MESD: variants seen among roughly 807,000 people sequenced by gnomAD.
MESD encodes LRP chaperone MESD.
Under a neutral mutation model 12.9 loss-of-function variants are expected in MESD, and 7 were observed. The ratio of observed to expected loss-of-function variants is 0.54; its 90% CI spans 0.31 to 1.02. The LOEUF is 1.02. Among genes scored for constraint, MESD ranks in the 50% least tolerant of loss-of-function variants. The pLI is 0.05. For synonymous variants in MESD, 126 were observed against 115.6 expected, an observed-to-expected ratio of 1.09 and a Z score of -0.58; for missense variants, 342 against 296.7, an observed-to-expected ratio of 1.15 and a Z score of -1.12.
intron 1 of MESD, among the ~76,000 whole-genome samples, chr15:80,987,724 G>A (rs988801735): frequency 6.6e-6 from 1 of 152,144 alleles, no homozygotes; most frequent in Non-Finnish European, 1.5e-5. Flanking sequence ...CCTGACCTCA[G>A]GTGATGCACC....
At chr15:80,981,354 G>A (rs1054595916) in intron 2 of MESD, among the ~76,000 whole-genome samples, 1 of 146,822 alleles carries the variant, frequency 6.8e-6, no homozygotes, top group African/African-American at 2.5e-5. Context: ...GGAGAATGGC[G>A]TGAACCGGGA....
intron 1 of MESD, among the ~76,000 whole-genome samples, chr15:80,988,157 C>T (rs76508297): frequency 0.053 from 8,007 of 152,162 alleles, 722 homozygotes; most frequent in African/African-American, 0.18. Flanking sequence ...CTAAAAGTCG[C>T]GAAAGAATTT....
intron 1 of MESD, among the ~76,000 whole-genome samples, chr15:80,985,664 T>TA (rs1902710795): frequency 6.8e-6 from 1 of 146,212 alleles, no homozygotes; most frequent in African/African-American, 2.6e-5. Flanking sequence ...TTTTTTTTTT[T>TA]AGATGGGGTC....
rs553892328 is a variant in MESD at position 80,977,411 on chromosome 15, C to G, written c.*1808G>C. 30 of 152,364 alleles carry G rather than the reference C, an allele frequency of 2.0e-4. No individual in the cohort carries two copies. Among genetic ancestry groups the G allele is most frequent in the African/African-American group, 6.5e-4 (27 of 41,560 alleles). 9.4% of individuals were successfully genotyped at this position (152,364 alleles called of 1,614,324 possible). On this transcript the variant is annotated 3_prime_UTR_variant, in exon 3 of 3. Coordinates refer to ENST00000261758, the MANE Select transcript of MESD (RefSeq NM_015154.3). Reference sequence around the variant, plus strand: ...GCACCTTGTAGTACCTAGTACATAACAGACACACAGAAACTACTGGGTGAA... The same window carrying G: ...GCACCTTGTAGTACCTAGTACATAAGAGACACACAGAAACTACTGGGTGAA...
chr15:80,979,661 A>G (rs1902521063), intron 2 of MESD, among the ~76,000 whole-genome samples, 184 bp from the exon 3 acceptor site: 1 of 152,268 alleles, frequency 6.6e-6, no homozygotes, highest in South Asian at 2.1e-4. Context: ...TTGCTGAACT[A>G]TTAAACATCC....
In MESD at chr15:80,977,163, C is replaced by G. The variant is rs1223322535; in HGVS notation, c.*2056G>C. 6.5e-6 allele frequency: 1 copy of G among 153,072 alleles called. No homozygotes were observed. The highest frequency in any genetic ancestry group is 1.5e-5 in the Non-Finnish European group (1 of 68,580). The allele number at this position is 153,072 out of a possible 1,614,324, so 9.5% of individuals were successfully genotyped here. A position where few individuals can be genotyped will look rare whatever the true frequency, so the allele number is the denominator to read the frequency against. On this transcript the variant is annotated 3_prime_UTR_variant, in exon 3 of 3. Transcript: ENST00000261758. ...TCTAGCCACAGGGTCTTAGCTCAGACTGTTTCCTCTGCCTGCCTTACTCTA... is the reference window on the plus strand; with the variant it reads ...TCTAGCCACAGGGTCTTAGCTCAGAGTGTTTCCTCTGCCTGCCTTACTCTA...
intron 3 of MESD, among the ~76,000 whole-genome samples, chr15:80,955,407 G>A (rs557228796): frequency 2.7e-5 from 4 of 147,468 alleles, no homozygotes; most frequent in East Asian, 4.2e-4. Context: ...GGAGAATGGC[G>A]TGAACCCAGG....
rs1893242445 is a variant in MESD, at chr15:80,989,622, T to A, written c.170A>T (p.Asp57Val). The change falls in exon 1 of 3, where the codon GAT (aspartate) becomes GTT (valine). Residue 57 changes from aspartate (D) to valine (V), a missense_variant. Physicochemically the swap from Asp to Val is radical, Grantham distance 152 (BLOSUM62 -3). Coordinates refer to ENST00000261758, the MANE Select transcript of MESD (RefSeq NM_015154.3). ...ACGCGCCATGTCTGCATCATTGTAA[T>A]CGCGAATATCCTTCTTCTTCTTCCG... The part of the protein sequence containing the change: ...PPRKKKKDIR[D>V]YNDADMARLL... 1.2e-6 allele frequency: 2 copies of A among 1,613,900 alleles called. No homozygotes were observed. The highest frequency in any genetic ancestry group is 1.7e-5 in the Admixed American group (1 of 60,012).
At chr15:80,964,685 T>C (rs1902144554) in intron 3 of MESD, among the ~76,000 whole-genome samples, 2 of 151,696 alleles carry the variant, frequency 1.3e-5, no homozygotes, top group Non-Finnish European at 3.0e-5. Context: ...ATCTGATCTT[T>C]GACAAACAAG....
intron 3 of MESD, among the ~76,000 whole-genome samples, chr15:80,961,476 G>A (rs1490442056): frequency 6.6e-6 from 1 of 152,084 alleles, no homozygotes; most frequent in Non-Finnish European, 1.5e-5. Context: ...AACTATAAAA[G>A]ACAGAAGAAA....
chr15:80,988,653 C>G (rs912411537), intron 1 of MESD, among the ~76,000 whole-genome samples: 1 of 152,308 alleles, frequency 6.6e-6, no homozygotes. Context: ...GTCTGAAAGT[C>G]TTTCCCTTCT....
At chr15:80,957,505 G>C (rs138587088) in intron 3 of MESD, among the ~76,000 whole-genome samples, 1 of 152,138 alleles carries the variant, frequency 6.6e-6, no homozygotes, top group Non-Finnish European at 1.5e-5. Context: ...AGCGTGGTCA[G>C]TTTTTAGAGA....
At chr15:80,973,282 T>G (rs1253361911), downstream of MESD, among the ~76,000 whole-genome samples, 1 of 152,070 alleles carries the variant, frequency 6.6e-6, no homozygotes, top group East Asian at 1.9e-4. Context: ...GACTTCAAGG[T>G]GGGTGAATCA....
At chr15:80,961,983 C>T (rs1278049660) in intron 3 of MESD, among the ~76,000 whole-genome samples, 2 of 152,224 alleles carry the variant, frequency 1.3e-5, no homozygotes, top group Non-Finnish European at 2.9e-5. Flanking sequence ...CAAATTCACA[C>T]ATAACAATAT....
At chr15:80,952,288 C>T (rs1306268457) in exon 4 of MESD, 1 of 454,170 alleles carries the variant, frequency 2.2e-6, no homozygotes. Flanking sequence ...CTGGAAGGGG[C>T]TCAGGGGTCT....
downstream of MESD, among the ~76,000 whole-genome samples, chr15:80,974,938 A>C (rs1405414359): frequency 1.3e-5 from 2 of 151,608 alleles, no homozygotes; most frequent in Non-Finnish European, 1.5e-5. Flanking sequence ...GTCATAAAGG[A>C]AAAAAATTTT....
rs573871658 is a variant in MESD, at chr15:80,977,817, C to T, written c.*1402G>A. On this transcript the variant is annotated 3_prime_UTR_variant, in exon 3 of 3. Transcript: ENST00000261758. ...AAGATGCAGGAGGAACAAGAAAAGC[C>T]TCTTTCAGGGCCTAGTACCCTAGTA... 1 of 152,384 alleles carries T rather than the reference C, an allele frequency of 6.6e-6. No homozygotes were observed. The highest frequency in any genetic ancestry group is 1.5e-5 in the Non-Finnish European group (1 of 68,096). The allele number at this position is 152,384 out of a possible 1,614,324, so 9.4% of individuals were successfully genotyped here. A position where few individuals can be genotyped will look rare whatever the true frequency, so the allele number is the denominator to read the frequency against.
intron 1 of MESD, among the ~76,000 whole-genome samples, chr15:80,983,894 C>CTTTTTTTTTTTTTTTTTTTTTTTTTTTTT (rs10570822): frequency 1.1e-5 from 1 of 88,468 alleles, no homozygotes; most frequent in Non-Finnish European, 2.1e-5. Flanking sequence ...AAAACAGTAA[C>CTTTTTTTTTTTTTTTTTTTTTTTTTTTTT]TTTTTTTTTT....
In MESD at chr15:80,948,831, C is replaced by A. The variant is rs1338818811; in HGVS notation, c.*694G>T. The A allele has an allele frequency of 1.9e-6, 3 of 1,614,238 alleles. No individual in the cohort carries two copies. In the East Asian group the frequency reaches 6.7e-5, roughly 36 times the overall value. On this transcript the variant is annotated 3_prime_UTR_variant, in exon 5 of 5. Transcript: ENST00000561312. The stretch of plus-strand genomic sequence containing the variant: ...CATTCGTTGGCTTCAAAGGCAGCTT[C>A]CGGCCCATCTGGGTGACACTGGACA...
Sources: gnomAD v4.1 joint callset for allele counts (sites outside exome capture counted in the v4.1 genomes callset) on GRCh38, gnomAD v4.1.1 for gene constraint, MANE v1.5 for transcripts, NCBI Gene and HGNC (gene_info 2026-07-23, HGNC 2026-07-21) for gene names.